Variants in TMX1 observed in about 807,000 individuals in gnomAD.
TMX1 encodes the protein thioredoxin-related transmembrane protein 1.
In TMX1, 25 loss-of-function variants were observed where a neutral mutation model predicts 36.6. That is an observed-to-expected ratio of 0.68 (90% CI 0.50 to 0.95). The LOEUF (loss-of-function observed/expected upper bound fraction) is 0.95. TMX1 is among the 40% of genes least tolerant of loss of function. The probability of loss-of-function intolerance (pLI) is 0.00; values close to 1 mark genes in which losing one functional copy is unlikely to be tolerated. For synonymous variants in TMX1, 133 were observed against 118.0 expected, an observed-to-expected ratio of 1.13 and a Z score of -0.82; for missense variants, 347 against 339.6, an observed-to-expected ratio of 1.02 and a Z score of -0.17.
chr14:51,249,239 A>G (rs1254756660), intron 4 of TMX1, 87 bp from the exon 5 acceptor site: 15 of 1,105,258 alleles, frequency 1.4e-5, no homozygotes, highest in Admixed American at 2.5e-5. Context: ...AATCTGTCAT[A>G]TTGGGGAAAT....
Position 51,255,630 on chromosome 14 carries a change from ATT to A in TMX1, c.*1115_*1116del, listed in dbSNP as rs997882211. The A allele has an allele frequency of 1.3e-5, 2 of 152,040 alleles. No individual in the cohort carries two copies. Among genetic ancestry groups the A allele is most frequent in the African/African-American group, 2.4e-5 (1 of 41,442 alleles). The allele number at this position is 152,040 out of a possible 1,614,324, so 9.4% of individuals were successfully genotyped here. ...ATGCTTGATGTTTTAAAATAATAAC[ATT>A]TTTATATTTTTTAAAAGACAAACTT... On this transcript the variant is annotated 3_prime_UTR_variant, in exon 8 of 8. Transcript: ENST00000457354.
chr14:51,250,585 G>T (rs552995639), intron 7 of TMX1, among the ~76,000 whole-genome samples: 17 of 152,248 alleles, frequency 1.1e-4, no homozygotes, highest in Middle Eastern at 3.4e-3. Flanking sequence ...TCTGCCTTCC[G>T]GGTTCATGCT....
At position 51,255,930 on chromosome 14, in the gene TMX1, C is replaced by T. The variant is rs1319703633; in HGVS notation, c.*1411C>T. The T allele has an allele frequency of 6.6e-6, 1 of 152,436 alleles. No individual in the cohort carries two copies. The highest frequency in any genetic ancestry group is 1.5e-5 in the Non-Finnish European group (1 of 67,940). The allele number at this position is 152,436 out of a possible 1,614,324, so 9.4% of individuals were successfully genotyped here. A position where few individuals can be genotyped will look rare whatever the true frequency, so the allele number is the denominator to read the frequency against. The stretch of plus-strand genomic sequence containing the variant: ...CGTAATATACAAGTTTTCTTTAAAG[C>T]CCTCTCCTTTAGAATTTAAAATATT... On this transcript the variant is annotated 3_prime_UTR_variant, in exon 8 of 8. Transcript: ENST00000457354.
At chr14:51,250,610 C>T (rs1384560366) in intron 7 of TMX1, among the ~76,000 whole-genome samples, 1 of 152,158 alleles carries the variant, frequency 6.6e-6, no homozygotes, top group African/African-American at 2.4e-5. Flanking sequence ...TCCTGCCTTG[C>T]CCTGCCGAGT....
chr14:51,255,152 C>T lies in TMX1; in HGVS notation c.*633C>T, dbSNP rs867320523. ...TTAAGTTCATGGTATTCTCTTGATT[C>T]CAACAAAGTTTGATTTTCTCTTGTA... On this transcript the variant is annotated 3_prime_UTR_variant, in exon 8 of 8. Coordinates refer to ENST00000457354, the MANE Select transcript of TMX1 (RefSeq NM_030755.5). 6.6e-6 allele frequency: 1 copy of T among 151,992 alleles called. No individual in the cohort carries two copies. The highest frequency in any genetic ancestry group is 2.4e-5 in the African/African-American group (1 of 41,408). The allele number at this position is 151,992 out of a possible 1,614,324, so 9.4% of individuals were successfully genotyped here.
rs540770028 is a variant in TMX1 at position 51,240,664 on chromosome 14, C to T, written c.152+220C>T. On this transcript the variant is annotated intron_variant, in intron 1 of 7. Transcript: ENST00000457354. Reference sequence around the variant, plus strand: ...AATGTTAAGTTTCTTCTGGGGTGCACCCTCGTTTCGTTTCTTGGGTTGTGG... The same window carrying T: ...AATGTTAAGTTTCTTCTGGGGTGCATCCTCGTTTCGTTTCTTGGGTTGTGG... Among the ~76,000 whole-genome samples the T allele has an allele frequency of 2.0e-5, 3 of 152,220 alleles. No individual in the cohort carries two copies. In the East Asian group the frequency reaches 5.8e-4, roughly 29 times the overall value.
intron 7 of TMX1, among the ~76,000 whole-genome samples, chr14:51,252,658 A>G (rs993957711): frequency 6.6e-6 from 1 of 152,200 alleles, no homozygotes; most frequent in South Asian, 2.1e-4. Context: ...TGATATTGCC[A>G]TGCCCCTTCC....
chr14:51,249,902 A>G, intron 7 of TMX1, 137 bp downstream of exon 7: 1 of 640,010 alleles, frequency 1.6e-6, no homozygotes, highest in South Asian at 2.3e-5. Context: ...CAGCTATGGC[A>G]TAAAGGAAGG....
intron 4 of TMX1, 132 bp downstream of exon 4, chr14:51,247,352 A>ATTTTTTTTTT (rs35852707): frequency 2.0e-5 from 6 of 301,210 alleles, no homozygotes; most frequent in African/African-American, 3.4e-5. Context: ...TACATGTTTG[A>ATTTTTTTTTT]TTTTTTTTTT....
At chr14:51,251,455 G>A (rs1348568316) in intron 7 of TMX1, among the ~76,000 whole-genome samples, 3 of 150,818 alleles carry the variant, frequency 2.0e-5, no homozygotes, top group Non-Finnish European at 3.0e-5. Flanking sequence ...ATTATGTTTT[G>A]TTTTTTTATA....
At chr14:51,243,624 C>T (rs2065772267) in intron 1 of TMX1, among the ~76,000 whole-genome samples, 1 of 152,172 alleles carries the variant, frequency 6.6e-6, no homozygotes, top group Non-Finnish European at 1.5e-5. Context: ...AATCCTGTGT[C>T]TTATTCTCAG....
chr14:51,245,231 T>C, intron 2 of TMX1, 82 bp from the exon 3 acceptor site: 1 of 1,449,384 alleles, frequency 6.9e-7, no homozygotes, highest in South Asian at 1.2e-5. Context: ...CCTATTAGTA[T>C]GTATTTAAAT....
chr14:51,247,121 A>G lies in TMX1; in HGVS notation c.344A>G (p.Gln115Arg), dbSNP rs1374150656. The G allele has an allele frequency of 3.1e-6, 5 of 1,611,674 alleles. No homozygotes were observed. Among genetic ancestry groups the G allele is most frequent in the Non-Finnish European group, 4.2e-6 (5 of 1,179,300 alleles). Residue 115 changes from glutamine (Q) to arginine (R), a missense_variant, in exon 4 of 8, where the codon CAG (glutamine) becomes CGG (arginine). Gln to Arg is a conservative substitution (Grantham distance 43). Coordinates refer to ENST00000457354, the MANE Select transcript of TMX1 (RefSeq NM_030755.5). ...AAAGATGGTGAATTTAGGCGCTATC[A>G]GGGTCCAAGGACTAAGAAGGACTTC... ...HCKDGEFRRYQGPRTKKDFIN... is the reference protein window; with the variant it reads ...HCKDGEFRRYRGPRTKKDFIN...
rs769743320 is a variant in TMX1 at position 51,240,265 on chromosome 14, G to A, written c.-28G>A. 3.7e-6 allele frequency: 6 copies of A among 1,602,816 alleles called. No homozygotes were observed. The highest frequency in any genetic ancestry group is 3.3e-5 in the Admixed American group (2 of 59,842). ...GGGCGGAAGTGGGAGCTGCGACCGCGCTCCCTGTGAGGTGGGCAAGCGGCG... is the reference window on the plus strand; with the variant it reads ...GGGCGGAAGTGGGAGCTGCGACCGCACTCCCTGTGAGGTGGGCAAGCGGCG... On this transcript the variant is annotated 5_prime_UTR_variant, in exon 1 of 8. Transcript: ENST00000457354.
chr14:51,243,792 T>A (rs201989256), intron 1 of TMX1, 64 bp from the exon 2 acceptor site: 4 of 1,126,242 alleles, frequency 3.6e-6, no homozygotes, highest in Non-Finnish European at 3.6e-6. Flanking sequence ...AAATTTTTTA[T>A]CCCAAGATAA....
chr14:51,247,167 A>G lies in TMX1; in HGVS notation c.390A>G (p.Lys130=). The change falls in exon 4 of 8, where the codon AAA becomes AAG. Residue 130 remains lysine, a synonymous_variant. Transcript: ENST00000457354. The stretch of plus-strand genomic sequence containing the variant: ...ACTTCATAAACTTTATAAGTGATAA[A>G]GAGTGGAAGAGTATTGAGCCCGTTT... The part of the protein sequence containing the change: ...KKDFINFISD[K]EWKSIEPVSS... 1 of 1,613,518 alleles carries G rather than the reference A, an allele frequency of 6.2e-7. No individual in the cohort carries two copies. Among genetic ancestry groups the G allele is most frequent in the South Asian group, 1.1e-5 (1 of 91,052 alleles).
chr14:51,245,344 T>G lies in TMX1; in HGVS notation c.300T>G (p.Leu100=), dbSNP rs772860367. Residue 100 remains leucine, a synonymous_variant, in exon 3 of 8, where the codon CTT becomes CTG. Transcript: ENST00000457354. ...GTGGACGGTTTATCATAACTGCTCT[T>G]CCTACTATTTATCAGTAAGTATTTG... is the stretch of plus-strand genomic sequence containing the variant. ...GLSGRFIITA[L]PTIYHCKDGE... The G allele has an allele frequency of 6.2e-7, 1 of 1,613,998 alleles. No homozygotes were observed. Among genetic ancestry groups the G allele is most frequent in the Non-Finnish European group, 8.5e-7 (1 of 1,179,928 alleles).
At chr14:51,244,031 T>C in intron 2 of TMX1, 60 bp downstream of exon 2, 1 of 1,329,500 alleles carries the variant, frequency 7.5e-7, no homozygotes, top group South Asian at 1.5e-5. Context: ...TATTTATCCT[T>C]TTTTCTACAT....
Position 51,256,464 on chromosome 14 carries a change from G to A in TMX1, c.*1945G>A, listed in dbSNP as rs2065839291. 6.6e-6 allele frequency: 1 copy of A among 152,086 alleles called. No individual in the cohort carries two copies. The highest frequency in any genetic ancestry group is 1.5e-5 in the Non-Finnish European group (1 of 67,994). 9.4% of individuals were successfully genotyped at this position (152,086 alleles called of 1,614,324 possible). A position where few individuals can be genotyped will look rare whatever the true frequency, so the allele number is the denominator to read the frequency against. Reference sequence around the variant, plus strand: ...CATCTGAGTAATTAATTTTCAGTTAGTAACAGGCTTATAGAAACTTTGGGA... The same window carrying A: ...CATCTGAGTAATTAATTTTCAGTTAATAACAGGCTTATAGAAACTTTGGGA... On this transcript the variant is annotated 3_prime_UTR_variant, in exon 8 of 8. Coordinates refer to ENST00000457354, the MANE Select transcript of TMX1 (RefSeq NM_030755.5).
Sources: allele counts gnomAD v4.1 joint callset (sites outside exome capture counted in the v4.1 genomes callset), GRCh38; gene constraint gnomAD v4.1.1; transcripts MANE v1.5; gene names NCBI Gene and HGNC (gene_info 2026-07-23, HGNC 2026-07-21).